NFILZ: variants seen among roughly 807,000 people sequenced by gnomAD.
NFILZ encodes NFIL3 like protein.
At chr19:8,637,515 A>G (rs957011891) in intron 3 of NFILZ, among the ~76,000 whole-genome samples, 15 of 151,546 alleles carry the variant, frequency 9.9e-5, no homozygotes, top group African/African-American at 2.9e-4. Flanking sequence ...TGGGAGGCTG[A>G]GGCAGGAGAA....
intron 3 of NFILZ, among the ~76,000 whole-genome samples, chr19:8,654,814 A>G (rs1417336677): frequency 5.9e-5 from 9 of 152,052 alleles, no homozygotes; most frequent in African/African-American, 2.2e-4. Flanking sequence ...TCGGGGTCGC[A>G]CCTCAGGACG....
chr19:8,645,180 C>T (rs1313100108), intron 3 of NFILZ, among the ~76,000 whole-genome samples: 1 of 152,004 alleles, frequency 6.6e-6, no homozygotes, highest in Non-Finnish European at 1.5e-5. Flanking sequence ...GTCGCCCAGG[C>T]TGGAGTGCAG....
intron 3 of NFILZ, among the ~76,000 whole-genome samples, chr19:8,644,900 A>G (rs191334597): frequency 0.012 from 1,846 of 151,664 alleles, 41 homozygotes; most frequent in African/African-American, 0.043. Flanking sequence ...CCAGTAGCTG[A>G]CATTACAGGC....
intron 3 of NFILZ, among the ~76,000 whole-genome samples, 158 bp downstream of exon 3, chr19:8,635,904 T>C (rs797039558): frequency 2.6e-5 from 4 of 152,262 alleles, no homozygotes; most frequent in African/African-American, 9.6e-5. Context: ...TGGTGCAGTC[T>C]TGGCTCATTG....
intron 3 of NFILZ, among the ~76,000 whole-genome samples, chr19:8,646,822 C>A (rs1195663101): frequency 6.6e-6 from 1 of 152,156 alleles, no homozygotes; most frequent in Non-Finnish European, 1.5e-5. Context: ...TCCTCCTAAA[C>A]CAAGAGCAAA....
At chr19:8,673,498 A>G (rs576959180) in intron 3 of NFILZ, among the ~76,000 whole-genome samples, 28 of 152,248 alleles carry the variant, frequency 1.8e-4, no homozygotes, top group Middle Eastern at 3.4e-3. Context: ...GCCGCCTACC[A>G]CTACAGCAAG....
intron 3 of NFILZ, among the ~76,000 whole-genome samples, chr19:8,657,142 T>C (rs928487213): frequency 2.6e-5 from 4 of 151,808 alleles, no homozygotes; most frequent in East Asian, 3.9e-4. Context: ...TCTGTGGAGA[T>C]TGGCGATTGC....
At chr19:8,644,013 A>G (rs1169507215) in intron 3 of NFILZ, among the ~76,000 whole-genome samples, 2 of 151,972 alleles carry the variant, frequency 1.3e-5, no homozygotes, top group Non-Finnish European at 2.9e-5. Context: ...TCCTTCCCTC[A>G]TTATGGATTG....
intron 2 of NFILZ, among the ~76,000 whole-genome samples, 180 bp downstream of exon 2, chr19:8,632,805 C>A (rs2042876347): frequency 6.6e-6 from 1 of 151,726 alleles, no homozygotes; most frequent in Non-Finnish European, 1.5e-5. Context: ...TCACTGCAAC[C>A]TCCGCCTCCC....
chr19:8,670,992 CAAA>C (rs35392454), intron 3 of NFILZ, among the ~76,000 whole-genome samples: 45,433 of 117,290 alleles, frequency 0.39, 7,512 homozygotes, highest in East Asian at 0.72. Flanking sequence ...GAGACTGTCT[CAAA>C]AAAAAAAAAA....
intron 3 of NFILZ, among the ~76,000 whole-genome samples, chr19:8,649,236 G>A (rs2042954876): frequency 6.7e-6 from 1 of 150,078 alleles, no homozygotes; most frequent in South Asian, 2.1e-4. Context: ...AAAGTGCTGG[G>A]ATTACAGGGG....
At chr19:8,659,818 T>C (rs2043021568) in intron 3 of NFILZ, among the ~76,000 whole-genome samples, 1 of 151,958 alleles carries the variant, frequency 6.6e-6, no homozygotes, top group South Asian at 2.1e-4. Context: ...CATGGTATAT[T>C]CTAGGCTTGG....
chr19:8,650,071 T>C (rs957611895), intron 3 of NFILZ, among the ~76,000 whole-genome samples: 2 of 149,346 alleles, frequency 1.3e-5, no homozygotes, highest in Non-Finnish European at 3.0e-5. Context: ...GCTGAGATCA[T>C]GCCACTGCAC....
At chr19:8,631,413 G>C (rs932123160) in intron 1 of NFILZ, among the ~76,000 whole-genome samples, 3 of 152,090 alleles carry the variant, frequency 2.0e-5, no homozygotes, top group African/African-American at 7.2e-5. Flanking sequence ...GGGATGAACA[G>C]GGGGACTGAA....
chr19:8,652,977 TTCCTTCCTTC>T (rs2042972228), intron 3 of NFILZ, among the ~76,000 whole-genome samples: 3 of 65,612 alleles, frequency 4.6e-5, no homozygotes, highest in Non-Finnish European at 9.8e-5. Context: ...CCCTCCTTCC[TTCCTTCCTTC>T]CTTCCTTCCT....
intron 3 of NFILZ, among the ~76,000 whole-genome samples, chr19:8,653,034 T>TCTCCCTC (rs1555747917): frequency 8.7e-5 from 5 of 57,506 alleles, no homozygotes; most frequent in African/African-American, 2.6e-4. Context: ...CTTTCTTTCT[T>TCTCCCTC]TCTTTCTCTC....
At chr19:8,656,386 T>TCC (rs2042998461) in intron 3 of NFILZ, among the ~76,000 whole-genome samples, 5 of 140,242 alleles carry the variant, frequency 3.6e-5, no homozygotes, top group Admixed American at 3.5e-4. Flanking sequence ...GAAGCCCACC[T>TCC]TCTCCCGCAG....
chr19:8,637,443 T>C (rs2042899633), intron 3 of NFILZ, among the ~76,000 whole-genome samples: 1 of 151,752 alleles, frequency 6.6e-6, no homozygotes, highest in Non-Finnish European at 1.5e-5. Context: ...TGAAGCCCCT[T>C]CTCTACTAAA....
At chr19:8,673,604 GA>G (rs2043097983) in intron 3 of NFILZ, among the ~76,000 whole-genome samples, 1 of 152,204 alleles carries the variant, frequency 6.6e-6, no homozygotes, top group Non-Finnish European at 1.5e-5. Flanking sequence ...GGATTTCTCA[GA>G]GGGGGTCCCA....
Sources: gnomAD v4.1 joint callset for allele counts (sites outside exome capture counted in the v4.1 genomes callset) on GRCh38, gnomAD v4.1.1 for gene constraint, MANE v1.5 for transcripts, NCBI Gene and HGNC (gene_info 2026-07-23, HGNC 2026-07-21) for gene names.